Variants in POLR3E observed in about 807,000 individuals in gnomAD.
POLR3E encodes the protein RNA polymerase III subunit E.
In POLR3E, 41 loss-of-function variants were observed where a neutral mutation model predicts 96.6. The ratio of observed to expected loss-of-function variants is 0.42; its 90% CI spans 0.33 to 0.55. POLR3E has a LOEUF of 0.55. POLR3E is among the 20% of genes least tolerant of loss of function. The pLI is 0.06. For synonymous variants in POLR3E, 396 were observed against 383.6 expected (o/e 1.03, Z -0.38); for missense variants, 849 against 952.1 (o/e 0.89, Z 1.43).
At chr16:22,331,384 T>G (rs1180398721) in intron 19 of POLR3E, 3 of 152,340 alleles carry the variant, frequency 2.0e-5, no homozygotes, top group Non-Finnish European at 2.9e-5. Flanking sequence ...TTCTTTCCTT[T>G]ATGCCAAACT....
At chr16:22,302,474 G>C (rs949880399) in intron 1 of POLR3E, 20 of 161,324 alleles carry the variant, frequency 1.2e-4, no homozygotes, top group Non-Finnish European at 2.6e-4. Context: ...GTTAAAGTCA[G>C]CTTGAAAATC....
At chr16:22,303,835 G>A (rs1209143441) in intron 2 of POLR3E, among the ~76,000 whole-genome samples, 2 of 139,298 alleles carry the variant, frequency 1.4e-5, no homozygotes, top group African/African-American at 5.6e-5. Flanking sequence ...TTTTTGAGGC[G>A]GAGTCTCACT....
At chr16:22,300,777 G>A (rs9889052) in intron 1 of POLR3E, among the ~76,000 whole-genome samples, 7,745 of 152,242 alleles carry the variant, frequency 0.051, 486 homozygotes, top group African/African-American at 0.15. Context: ...CTTTCTACCC[G>A]CTCCATGTCT....
At chr16:22,299,963 C>T (rs2047989120) in intron 1 of POLR3E, among the ~76,000 whole-genome samples, 1 of 152,146 alleles carries the variant, frequency 6.6e-6, no homozygotes. Context: ...AGTCCTTCCA[C>T]CTAAGCCTCC....
chr16:22,308,850 G>A, intron 4 of POLR3E, 75 bp from the exon 5 acceptor site: 1 of 942,744 alleles, frequency 1.1e-6, no homozygotes. Flanking sequence ...AGGTGGCCAT[G>A]GTGGGGTTGG....
intron 1 of POLR3E, among the ~76,000 whole-genome samples, chr16:22,298,343 G>T (rs954078679): frequency 6.6e-6 from 1 of 152,198 alleles, no homozygotes; most frequent in Admixed American, 6.5e-5. Flanking sequence ...TTTGACTTGT[G>T]GCTTAGCGTC....
At chr16:22,328,962 C>T (rs1187817395) in intron 19 of POLR3E, 1 of 228,546 alleles carries the variant, frequency 4.4e-6, no homozygotes, top group African/African-American at 2.3e-5. Flanking sequence ...CCCATCTCTA[C>T]TAAAAATGCC....
In POLR3E at chr16:22,316,651, C is replaced by T. The variant is rs1430011575; in HGVS notation, c.693C>T (p.Ser231=). 19 of 1,613,884 alleles carry T rather than the reference C, an allele frequency of 1.2e-5. No individual in the cohort carries two copies. The highest frequency in any genetic ancestry group is 3.3e-4 in the Middle Eastern group (2 of 6,084). Residue 231 remains serine (S), a synonymous_variant, in exon 10 of 21, where the codon AGC becomes AGT. Coordinates refer to ENST00000299853, the MANE Select transcript of POLR3E (RefSeq NM_018119.4). ...ERQYLLCPGS[S]GVENTELVKS... The stretch of plus-strand genomic sequence containing the variant: ...AGTACCTGCTGTGCCCCGGCTCAAG[C>T]GGGGTGGAGAACACGGAGCTCGTCA...
intron 14 of POLR3E, among the ~76,000 whole-genome samples, chr16:22,323,475 C>T (rs895394839): frequency 9.2e-5 from 14 of 152,148 alleles, no homozygotes; most frequent in Admixed American, 9.2e-4. Context: ...CTGGGAGCCA[C>T]AGTCTTCCTA....
chr16:22,333,547 A>G, intron 20 of POLR3E, 97 bp from the exon 21 acceptor site: 1 of 854,494 alleles, frequency 1.2e-6, no homozygotes, highest in Non-Finnish European at 2.0e-6. Flanking sequence ...TTTGTATTCT[A>G]TTCACTAATC....
chr16:22,324,794 GGT>G, intron 16 of POLR3E, 134 bp downstream of exon 16: 1 of 965,932 alleles, frequency 1.0e-6, no homozygotes, highest in Non-Finnish European at 1.6e-6. Flanking sequence ...GCTGGATCTG[GGT>G]GTGAAGGGCA....
chr16:22,324,310 C>G, intron 14 of POLR3E, 44 bp from the exon 15 acceptor site: 3 of 1,531,884 alleles, frequency 2.0e-6, no homozygotes, highest in Non-Finnish European at 2.7e-6. Context: ...GTCCTGGGAG[C>G]AGTCCGTGGC....
intron 9 of POLR3E, among the ~76,000 whole-genome samples, chr16:22,315,896 A>C (rs988623647): frequency 2.0e-5 from 3 of 151,986 alleles, no homozygotes; most frequent in African/African-American, 7.3e-5. Context: ...CGAACTCCTG[A>C]TTTCCAAGTG....
intron 18 of POLR3E, chr16:22,328,278 C>A (rs1038808183): frequency 3.7e-6 from 2 of 547,208 alleles, no homozygotes; most frequent in African/African-American, 1.9e-5. Flanking sequence ...CACACTCCCC[C>A]TCTCGCTGAA....
intron 3 of POLR3E, 52 bp downstream of exon 3, chr16:22,305,258 G>A (rs900893890): frequency 3.7e-6 from 5 of 1,344,546 alleles, no homozygotes; most frequent in East Asian, 2.3e-5. Flanking sequence ...TGGGTGGGTG[G>A]TGTGGACTCA....
chr16:22,305,323 G>T, intron 3 of POLR3E, 117 bp downstream of exon 3: 1 of 794,104 alleles, frequency 1.3e-6, no homozygotes, highest in Non-Finnish European at 2.3e-6. Context: ...GGTGTGGAGA[G>T]TGTCATGGGG....
At position 22,322,633 on chromosome 16, in the gene POLR3E, G is replaced by A. The variant is rs1199694425; in HGVS notation, c.987-217G>A. ...GCTGGTGTGCATGGCGGGTTGAGGGGTAATAAGAGGAAGAACTGGGGGGAT... is the reference window on the plus strand; with the variant it reads ...GCTGGTGTGCATGGCGGGTTGAGGGATAATAAGAGGAAGAACTGGGGGGAT... On this transcript the variant is annotated intron_variant, in intron 13 of 20. Coordinates refer to ENST00000299853, the MANE Select transcript of POLR3E (RefSeq NM_018119.4). This position sits in a 1 kb window ranked among gnomAD's most constrained non-coding sequence, Gnocchi z 5.2. Among the ~76,000 whole-genome samples the A allele has an allele frequency of 6.6e-6, 1 of 152,092 alleles. No individual in the cohort carries two copies. The highest frequency in any genetic ancestry group is 2.4e-5 in the African/African-American group (1 of 41,426).
intron 14 of POLR3E, among the ~76,000 whole-genome samples, chr16:22,323,618 C>T (rs922528166): frequency 5.9e-5 from 9 of 152,132 alleles, no homozygotes; most frequent in African/African-American, 2.2e-4. Flanking sequence ...GAAGGAGCCT[C>T]CCCAACTCCT....
chr16:22,302,088 A>G (rs2048035189), intron 1 of POLR3E, among the ~76,000 whole-genome samples: 2 of 151,736 alleles, frequency 1.3e-5, no homozygotes, highest in African/African-American at 2.4e-5. Context: ...CCCCGTGGAG[A>G]CCTACAGCCT....
Sources: allele counts gnomAD v4.1 joint callset (sites outside exome capture counted in the v4.1 genomes callset), GRCh38; gene constraint gnomAD v4.1.1; non-coding constraint Gnocchi (gnomAD v3.1); transcripts MANE v1.5; gene names NCBI Gene and HGNC (gene_info 2026-07-23, HGNC 2026-07-21).